Variants in SHISA9 observed in about 807,000 individuals in gnomAD.
SHISA9 encodes shisa family member 9.
A neutral mutation model predicts 38.0 loss-of-function variants in SHISA9; 13 were observed. The ratio of observed to expected loss-of-function variants is 0.34; its 90% CI spans 0.22 to 0.54. The LOEUF is 0.54. SHISA9 is among the 20% of genes least tolerant of loss of function. SHISA9 has a pLI of 0.91. For missense variants in SHISA9, 538 were observed against 575.8 expected, an observed-to-expected ratio of 0.93 and a Z score of 0.67; for synonymous variants, 275 against 242.0, an observed-to-expected ratio of 1.14 and a Z score of -1.27.
the SHISA9 span, among the ~76,000 whole-genome samples, chr16:13,314,494 T>C: frequency 6.6e-6 from 1 of 152,038 alleles, no homozygotes. Context: ...CCCACCTCGG[T>C]CTCTCAAAGT....
chr16:13,416,010 T>G, the SHISA9 span, among the ~76,000 whole-genome samples: 2 of 152,188 alleles, frequency 1.3e-5, no homozygotes, highest in Admixed American at 6.5e-5. Context: ...GGTGCTTTCG[T>G]GGCATTGGTG....
the SHISA9 span, among the ~76,000 whole-genome samples, chr16:13,397,331 C>A: frequency 5.3e-5 from 8 of 152,120 alleles, no homozygotes; most frequent in African/African-American, 1.9e-4. Flanking sequence ...CAGACAGGTC[C>A]GCTGTGGGGC....
At chr16:13,375,349 T>G in the SHISA9 span, among the ~76,000 whole-genome samples, 1 of 152,216 alleles carries the variant, frequency 6.6e-6, no homozygotes, top group African/African-American at 2.4e-5. Flanking sequence ...AATTTTTGTA[T>G]AAGATGTAAG....
chr16:12,912,993 G>T (rs2071206400), intron 1 of SHISA9, among the ~76,000 whole-genome samples: 1 of 151,820 alleles, frequency 6.6e-6, no homozygotes, highest in South Asian at 2.1e-4. Flanking sequence ...CCCATCTCCA[G>T]TGTCACCCCC....
chr16:13,443,538 A>G, the SHISA9 span, among the ~76,000 whole-genome samples: 2 of 152,240 alleles, frequency 1.3e-5, no homozygotes, highest in East Asian at 1.9e-4. Context: ...GCAATCCAAC[A>G]TAAATGACAG....
the SHISA9 span, among the ~76,000 whole-genome samples, chr16:13,325,572 G>A: frequency 3.3e-4 from 51 of 152,298 alleles, no homozygotes; most frequent in Admixed American, 3.9e-4. Context: ...ATGCAGTTAT[G>A]CCGACTGAGA....
At chr16:12,949,112 C>T (rs1033318381) in intron 2 of SHISA9, among the ~76,000 whole-genome samples, 2 of 152,086 alleles carry the variant, frequency 1.3e-5, no homozygotes, top group Non-Finnish European at 2.9e-5. Context: ...ATATTTGTAC[C>T]CTTCTCTCCC....
chr16:13,464,992 A>T, the SHISA9 span, among the ~76,000 whole-genome samples: 1 of 152,172 alleles, frequency 6.6e-6, no homozygotes, highest in Non-Finnish European at 1.5e-5. Flanking sequence ...GATAATGGAG[A>T]CATTATCCTA....
chr16:13,490,699 C>T, the SHISA9 span, among the ~76,000 whole-genome samples: 1 of 152,146 alleles, frequency 6.6e-6, no homozygotes, highest in African/African-American at 2.4e-5. Flanking sequence ...TGTATTGATC[C>T]ACTCGAGCTC....
the SHISA9 span, among the ~76,000 whole-genome samples, chr16:13,367,695 C>T: frequency 5.4e-4 from 39 of 71,862 alleles, no homozygotes; most frequent in African/African-American, 7.9e-4. Flanking sequence ...CACGCGTGTG[C>T]GTGCGCGCGC....
chr16:13,550,350 G>A, the SHISA9 span, among the ~76,000 whole-genome samples: 13 of 152,294 alleles, frequency 8.5e-5, no homozygotes, highest in East Asian at 1.5e-3. Context: ...TAGATGATGC[G>A]TAAGTGCCTC....
the SHISA9 span, among the ~76,000 whole-genome samples, chr16:13,374,255 G>GTGC: frequency 7.9e-5 from 12 of 151,466 alleles, no homozygotes; most frequent in Admixed American, 3.3e-4. Flanking sequence ...CCATGTTGGT[G>GTGC]TGCTGCACCC....
At chr16:13,276,637 T>C in the SHISA9 span, among the ~76,000 whole-genome samples, 1 of 152,156 alleles carries the variant, frequency 6.6e-6, no homozygotes, top group Non-Finnish European at 1.5e-5. Flanking sequence ...TATCACACTG[T>C]GGTTTTGATT....
intron 4 of SHISA9, among the ~76,000 whole-genome samples, chr16:13,213,569 C>A (rs922030816): frequency 9.2e-5 from 14 of 152,054 alleles, no homozygotes; most frequent in Non-Finnish European, 2.1e-4. Context: ...AGAAATCATG[C>A]CAGGTAAGGT....
At chr16:13,401,425 C>G in the SHISA9 span, among the ~76,000 whole-genome samples, 13 of 152,316 alleles carry the variant, frequency 8.5e-5, 1 homozygote, top group South Asian at 1.9e-3. Flanking sequence ...CTTTCATTCT[C>G]TAGAAAGACC....
the SHISA9 span, among the ~76,000 whole-genome samples, chr16:13,478,443 T>A: frequency 8.5e-5 from 13 of 152,162 alleles, no homozygotes; most frequent in Admixed American, 6.5e-4. Context: ...TTGACCTAAT[T>A]CTTAGGGTCC....
intron 2 of SHISA9, among the ~76,000 whole-genome samples, chr16:13,014,365 A>G (rs890942272): frequency 2.6e-5 from 4 of 151,960 alleles, no homozygotes; most frequent in African/African-American, 9.7e-5. Context: ...AAATCATTTG[A>G]CCCTTCCCTT....
the SHISA9 span, among the ~76,000 whole-genome samples, chr16:13,456,927 G>A: frequency 2.0e-5 from 3 of 152,220 alleles, no homozygotes; most frequent in African/African-American, 7.2e-5. Context: ...CTTCAGGTTT[G>A]GAACTTTTCC....
At chr16:13,172,611 T>C (rs1343370492) in intron 2 of SHISA9, among the ~76,000 whole-genome samples, 1 of 152,218 alleles carries the variant, frequency 6.6e-6, no homozygotes, top group Non-Finnish European at 1.5e-5. Context: ...ACCATCACCT[T>C]CGTGCTGGCA....
Sources: allele counts gnomAD v4.1 joint callset (sites outside exome capture counted in the v4.1 genomes callset), GRCh38; gene constraint gnomAD v4.1.1; transcripts MANE v1.5; gene names NCBI Gene and HGNC (gene_info 2026-07-23, HGNC 2026-07-21).